Variants in MMP28 observed in about 807,000 individuals in gnomAD.
MMP28 encodes the protein matrix metalloproteinase-28.
In MMP28, 55 loss-of-function variants were observed where a neutral mutation model predicts 60.5. The ratio of observed to expected loss-of-function variants is 0.91; its 90% CI spans 0.73 to 1.14. MMP28 has a LOEUF of 1.14. Among genes scored for constraint, MMP28 ranks in the 50% most tolerant of loss-of-function variants. The pLI is 0.00. For missense variants in MMP28, 686 were observed against 738.3 expected, an observed-to-expected ratio of 0.93 and a Z score of 0.82; for synonymous variants, 318 against 312.5, an observed-to-expected ratio of 1.02 and a Z score of -0.18.
intron 1 of MMP28, among the ~76,000 whole-genome samples, chr17:35,784,762 G>C (rs758076213): frequency 6.6e-6 from 1 of 152,132 alleles, no homozygotes; most frequent in African/African-American, 2.4e-5. Flanking sequence ...CTGGGGGCTT[G>C]TTCAATGGTT....
At chr17:35,759,105 G>A (rs114118528) in intron 2 of MMP28, among the ~76,000 whole-genome samples, 10,415 of 152,218 alleles carry the variant, frequency 0.068, 494 homozygotes, top group South Asian at 0.18. Flanking sequence ...GTTCTTATTC[G>A]CCACCCTTCC....
At chr17:35,775,374 T>A (rs1269556355) in intron 3 of MMP28, among the ~76,000 whole-genome samples, 1 of 152,178 alleles carries the variant, frequency 6.6e-6, no homozygotes, top group African/African-American at 2.4e-5. Flanking sequence ...CAGGGAGGGC[T>A]GGTTTTTGTG....
intron 1 of MMP28, among the ~76,000 whole-genome samples, chr17:35,793,596 TAGTGATGGG>T (rs2086877852): frequency 6.6e-6 from 1 of 151,976 alleles, no homozygotes; most frequent in East Asian, 1.9e-4. Context: ...TATTCCCCAG[TAGTGATGGG>T]AGCTGGGTGA....
intron 1 of MMP28, among the ~76,000 whole-genome samples, chr17:35,784,085 A>G (rs1271290907): frequency 1.3e-5 from 2 of 152,210 alleles, no homozygotes; most frequent in African/African-American, 4.8e-5. Context: ...GTTCAAGGCC[A>G]GCCTGGCTAA....
At chr17:35,764,417 C>G, downstream of MMP28, 4 of 1,525,692 alleles carry the variant, frequency 2.6e-6, no homozygotes, top group Non-Finnish European at 3.5e-6. Flanking sequence ...GCCTGGTCCC[C>G]GCCGGCAGGA....
intron 3 of MMP28, among the ~76,000 whole-genome samples, chr17:35,776,233 G>A (rs1483052913): frequency 2.0e-5 from 3 of 151,292 alleles, no homozygotes; most frequent in Admixed American, 1.3e-4. Flanking sequence ...GTGCAGTGGC[G>A]CGATTTTGGC....
At chr17:35,786,510 C>T (rs1555610519) in intron 1 of MMP28, among the ~76,000 whole-genome samples, 1 of 151,948 alleles carries the variant, frequency 6.6e-6, no homozygotes, top group African/African-American at 2.4e-5. Flanking sequence ...TTTTAGTTCC[C>T]ATAGTGACTA....
intron 1 of MMP28, among the ~76,000 whole-genome samples, chr17:35,791,528 G>A (rs2086815286): frequency 6.6e-6 from 1 of 152,116 alleles, no homozygotes; most frequent in Admixed American, 6.5e-5. Flanking sequence ...AATTTATGAT[G>A]TTATTATTTT....
chr17:35,761,142 C>A (rs1555601442), downstream of MMP28, among the ~76,000 whole-genome samples: 1 of 140,588 alleles, frequency 7.1e-6, no homozygotes, highest in African/African-American at 2.7e-5. Context: ...CTTGCTCTAT[C>A]ACCCAGACTG....
intron 3 of MMP28, among the ~76,000 whole-genome samples, chr17:35,775,628 G>A (rs1401755162): frequency 1.3e-5 from 2 of 152,220 alleles, no homozygotes; most frequent in African/African-American, 2.4e-5. Flanking sequence ...CTCCAAGCCT[G>A]TTTCCCTATG....
chr17:35,759,768 C>T (rs2085784603), intron 2 of MMP28, among the ~76,000 whole-genome samples: 1 of 149,348 alleles, frequency 6.7e-6, no homozygotes, highest in Non-Finnish European at 1.5e-5. Context: ...TAATGCAAAC[C>T]TCTGCATATA....
At chr17:35,794,722 A>G (rs1350802617) in intron 1 of MMP28, among the ~76,000 whole-genome samples, 1 of 152,160 alleles carries the variant, frequency 6.6e-6, no homozygotes, top group Non-Finnish European at 1.5e-5. Context: ...CCCCGTTTAA[A>G]GCTCCTTAGA....
Position 35,770,281 on chromosome 17 carries a change from G to T in MMP28, c.636C>A (p.Arg212=), listed in dbSNP as rs1555605127. Residue 212 remains arginine, a synonymous_variant, in exon 5 of 8, where the codon CGC becomes CGA. Transcript: ENST00000605424. ...GGALAHAFLP[R]RGEAHFDQDE... ...CTTGGTCGAAGTGCGCTTCGCCGCG[G>T]CGGGGCAGGAAGGCGTGCGCCAGGG... The T allele has an allele frequency of 3.2e-6, 5 of 1,556,954 alleles. No homozygotes were observed. In the South Asian group the frequency reaches 5.8e-5, roughly 18 times the overall value.
rs118052277 is a variant in MMP28 at position 35,766,578 on chromosome 17, T to C, written c.1485A>G (p.Ala495=). The change falls in exon 8 of 8, where the codon GCA becomes GCG. Residue 495 remains alanine, a synonymous_variant. Transcript: ENST00000605424. The surrounding 1 kb of genome is among the most constrained non-coding windows in gnomAD (Gnocchi z 4.3). ...CGGTGGCCCAGCGGCCCGAGGTGGT[T>C]GCCTGCAGTTTGGCCTGGTCGAGGC... ...YWRLDQAKLQ[A]TTSGRWATEL... 0.026 allele frequency: 42,432 copies of C among 1,611,990 alleles called. 845 individuals carry two copies. Among genetic ancestry groups the C allele is most frequent in the East Asian group, 0.13 (5,640 of 44,810 alleles).
At chr17:35,768,067 A>C (rs113105015) in intron 6 of MMP28, 148 bp from the exon 7 acceptor site, 44 of 1,290,416 alleles carry the variant, frequency 3.4e-5, no homozygotes, top group African/African-American at 3.3e-4. Context: ...GTGGGCAGGA[A>C]GAAGCGGTGT....
intron 2 of MMP28, chr17:35,758,256 G>A (rs1555600794): frequency 2.6e-5 from 4 of 151,968 alleles, no homozygotes; most frequent in Admixed American, 1.3e-4. Context: ...ACTCATTACC[G>A]GGATGGTTTC....
In MMP28 at chr17:35,766,138, TGA is replaced by T. The variant is rs1555603016; in HGVS notation, c.*360_*361del. ...GCAAAATGGTCTCGAATTTCTCTGC[TGA>T]GTTTTTCATCCCCCTGCTTGGATCC... On this transcript the variant is annotated 3_prime_UTR_variant, in exon 8 of 8. Transcript: ENST00000605424. The surrounding 1 kb of genome is among the most constrained non-coding windows in gnomAD (Gnocchi z 4.3). 1 of 1,039,512 alleles carries T rather than the reference TGA, an allele frequency of 9.6e-7. No individual in the cohort carries two copies. The highest frequency in any genetic ancestry group is 1.7e-5 in the African/African-American group (1 of 59,254). 64.4% of individuals were successfully genotyped at this position (1,039,512 alleles called of 1,614,324 possible). A position where few individuals can be genotyped will look rare whatever the true frequency, so the allele number is the denominator to read the frequency against.
rs2086943065 is a variant in MMP28, at chr17:35,795,398, C to T, written c.-21G>A. On this transcript the variant is annotated 5_prime_UTR_variant, in exon 1 of 8. Transcript: ENST00000605424. ...ACCATCTCGCCGCCTCCGGTGCAGCCCGGCTCGGGGAGCTACTGCGCGCAG... is the reference window on the plus strand; with the variant it reads ...ACCATCTCGCCGCCTCCGGTGCAGCTCGGCTCGGGGAGCTACTGCGCGCAG... 1 of 1,398,358 alleles carries T rather than the reference C, an allele frequency of 7.2e-7. No individual in the cohort carries two copies. The highest frequency in any genetic ancestry group is 3.1e-5 in the Admixed American group (1 of 31,828). 86.6% of individuals were successfully genotyped at this position (1,398,358 alleles called of 1,614,324 possible).
intron 1 of MMP28, among the ~76,000 whole-genome samples, chr17:35,785,127 T>C (rs1386492958): frequency 6.6e-6 from 1 of 152,088 alleles, no homozygotes; most frequent in Non-Finnish European, 1.5e-5. Context: ...CCAGCCAGCT[T>C]GGTGGAATCA....
Sources: allele counts gnomAD v4.1 joint callset (sites outside exome capture counted in the v4.1 genomes callset), GRCh38; gene constraint gnomAD v4.1.1; non-coding constraint Gnocchi (gnomAD v3.1); transcripts MANE v1.5; gene names NCBI Gene and HGNC (gene_info 2026-07-23, HGNC 2026-07-21).